COL9A1: variants seen among roughly 807,000 people sequenced by gnomAD.
COL9A1 encodes collagen type IX alpha 1 chain.
In COL9A1, 104 loss-of-function variants were observed where a neutral mutation model predicts 142.6. The ratio of observed to expected loss-of-function variants is 0.73; its 90% CI spans 0.62 to 0.86. COL9A1 has a LOEUF of 0.86. COL9A1 is among the 40% of genes least tolerant of loss of function. The probability of loss-of-function intolerance (pLI) is 0.00; values close to 1 mark genes in which losing one functional copy is unlikely to be tolerated. For synonymous variants in COL9A1, 466 were observed against 396.0 expected, an observed-to-expected ratio of 1.18 and a Z score of -2.10; for missense variants, 1,210 against 1,176.6, an observed-to-expected ratio of 1.03 and a Z score of -0.42.
chr6:70,275,112 G>A (rs916121938), intron 10 of COL9A1: 1 of 317,708 alleles, frequency 3.1e-6, no homozygotes, highest in African/African-American at 2.2e-5. Context: ...TAAGACTGGT[G>A]GGTCTTGGTT....
chr6:70,280,905 G>T, intron 9 of COL9A1, 31 bp from the exon 10 acceptor site: 1 of 1,613,136 alleles, frequency 6.2e-7, no homozygotes, highest in South Asian at 1.1e-5. Flanking sequence ...GCGGGGGCAG[G>T]AGAGAAAAAG....
At chr6:70,243,849 A>G (rs999412848) in intron 28 of COL9A1, among the ~76,000 whole-genome samples, 4 of 152,160 alleles carry the variant, frequency 2.6e-5, no homozygotes, top group Non-Finnish European at 5.9e-5. Flanking sequence ...TTTCTAATGC[A>G]TGTTCAACTA....
chr6:70,267,327 G>GTTTTTTTTTTTTTTTTTTTTTTTT lies in COL9A1; in HGVS notation c.1288-558_1288-557insAAAAAAAAAAAAAAAAAAAAAAAA, dbSNP rs61373051. On this transcript the variant is annotated intron_variant, in intron 17 of 37. Transcript: ENST00000357250. The stretch of plus-strand genomic sequence containing the variant: ...TTGTTGTTGTTTGTTTGGTTTTTTT[G>GTTTTTTTTTTTTTTTTTTTTTTTT]TTTTTTTTTTTTGAGATGGAGCTTC... Among the ~76,000 whole-genome samples the GTTTTTTTTTTTTTTTTTTTTTTTT allele has an allele frequency of 1.0e-4, 13 of 127,054 alleles. 1 individual carries two copies. The highest frequency in any genetic ancestry group is 2.2e-4 in the Non-Finnish European group (13 of 60,128). 83.4% of individuals were successfully genotyped at this position (127,054 alleles called of 152,430 possible).
rs1405085316 is a variant in COL9A1 at position 70,300,537 on chromosome 6, T to C, written c.89-151A>G. On this transcript the variant is annotated intron_variant, in intron 2 of 37. Coordinates refer to ENST00000357250, the MANE Select transcript of COL9A1 (RefSeq NM_001851.6). ...AAAAAAAGATTTCAGGATGTATCAATAATAATAAATATTTAAAATTCAATA... is the reference window on the plus strand; with the variant it reads ...AAAAAAAGATTTCAGGATGTATCAACAATAATAAATATTTAAAATTCAATA... The C allele has an allele frequency of 1.2e-5, 4 of 344,350 alleles. No individual in the cohort carries two copies. In the East Asian group the frequency reaches 2.3e-4, roughly 20 times the overall value. The allele number at this position is 344,350 out of a possible 1,614,324, so 21.3% of individuals were successfully genotyped here.
chr6:70,264,617 A>G (rs535243263), intron 18 of COL9A1, among the ~76,000 whole-genome samples: 16 of 152,148 alleles, frequency 1.1e-4, no homozygotes, highest in Admixed American at 9.2e-4. Flanking sequence ...ATTTTTCCAT[A>G]ACAAGGTACA....
chr6:70,219,495 TA>T (rs1475763662), intron 37 of COL9A1, among the ~76,000 whole-genome samples: 5 of 152,236 alleles, frequency 3.3e-5, no homozygotes, highest in Non-Finnish European at 7.3e-5. Flanking sequence ...CCTTCACAAA[TA>T]AAGTTTGCTG....
At chr6:70,298,358 C>T (rs956618413) in intron 4 of COL9A1, among the ~76,000 whole-genome samples, 1 of 152,196 alleles carries the variant, frequency 6.6e-6, no homozygotes, top group African/African-American at 2.4e-5. Flanking sequence ...AGTCTAAGTA[C>T]TTTCCCAAGA....
At chr6:70,256,105 T>G (rs1300275714) in intron 21 of COL9A1, among the ~76,000 whole-genome samples, 1 of 152,186 alleles carries the variant, frequency 6.6e-6, no homozygotes, top group East Asian at 1.9e-4. Context: ...ACCCCTGTAC[T>G]TTGCTGTCTT....
chr6:70,237,133 A>G (rs1583228272), intron 33 of COL9A1, among the ~76,000 whole-genome samples: 1 of 152,244 alleles, frequency 6.6e-6, no homozygotes, highest in East Asian at 1.9e-4. Context: ...AACAACTTCT[A>G]AAAGAACCCA....
At chr6:70,251,687 G>A (rs1363715551) in intron 28 of COL9A1, among the ~76,000 whole-genome samples, 2 of 152,194 alleles carry the variant, frequency 1.3e-5, no homozygotes, top group Non-Finnish European at 2.9e-5. Context: ...GAATTAAGAG[G>A]AAATGATGGA....
intron 5 of COL9A1, among the ~76,000 whole-genome samples, chr6:70,287,245 A>C (rs1251443692): frequency 6.6e-6 from 1 of 152,070 alleles, no homozygotes; most frequent in Non-Finnish European, 1.5e-5. Context: ...AAGAGACCAA[A>C]TTTGCTGGGG....
intron 2 of COL9A1, among the ~76,000 whole-genome samples, chr6:70,300,861 A>G (rs908800250): frequency 5.3e-5 from 8 of 152,204 alleles, no homozygotes; most frequent in Non-Finnish European, 2.9e-5. Context: ...GAGATTCCAG[A>G]GCCAACCTTG....
intron 18 of COL9A1, among the ~76,000 whole-genome samples, chr6:70,265,354 T>C (rs192375228): frequency 8.6e-4 from 131 of 152,104 alleles, no homozygotes; most frequent in African/African-American, 3.1e-3. Context: ...ATAACAGAAG[T>C]CTACTACATC....
chr6:70,262,896 A>G (rs538734301), intron 19 of COL9A1, among the ~76,000 whole-genome samples: 1 of 152,352 alleles, frequency 6.6e-6, no homozygotes, highest in East Asian at 1.9e-4. Context: ...AGAACACACA[A>G]AATTTTCTCA....
At chr6:70,225,663 G>A (rs1769183954) in intron 37 of COL9A1, among the ~76,000 whole-genome samples, 1 of 151,490 alleles carries the variant, frequency 6.6e-6, no homozygotes, top group Admixed American at 6.6e-5. Flanking sequence ...TATAACAAGT[G>A]CATTGTGCCT....
intron 10 of COL9A1, among the ~76,000 whole-genome samples, chr6:70,277,232 A>G (rs187076771): frequency 1.3e-3 from 194 of 152,318 alleles, no homozygotes; most frequent in African/African-American, 4.4e-3. Flanking sequence ...AGCATGTCAC[A>G]ACAAATAGTA....
chr6:70,293,805 A>G (rs1221819613), intron 5 of COL9A1, among the ~76,000 whole-genome samples: 1 of 152,008 alleles, frequency 6.6e-6, no homozygotes, highest in Non-Finnish European at 1.5e-5. Flanking sequence ...TTGCCAATCC[A>G]AATCCTTTCA....
intron 12 of COL9A1, among the ~76,000 whole-genome samples, chr6:70,273,747 T>C (rs1191760747): frequency 6.6e-6 from 1 of 152,140 alleles, no homozygotes; most frequent in African/African-American, 2.4e-5. Context: ...TTTTCTATCA[T>C]GGCAGGTAAA....
chr6:70,217,588 C>A (rs1199476798), intron 37 of COL9A1, among the ~76,000 whole-genome samples: 1 of 152,248 alleles, frequency 6.6e-6, no homozygotes, highest in East Asian at 1.9e-4. Flanking sequence ...TTTCATGTGG[C>A]TACTTGATTT....
Sources: gnomAD v4.1 joint callset for allele counts (sites outside exome capture counted in the v4.1 genomes callset) on GRCh38, gnomAD v4.1.1 for gene constraint, MANE v1.5 for transcripts, NCBI Gene and HGNC (gene_info 2026-07-23, HGNC 2026-07-21) for gene names.